The following RBFOX1 variants were observed in gnomAD, a reference collection of about 807,000 sequenced individuals.
RBFOX1 encodes RNA binding fox-1 homolog 1, also known as RNA binding protein fox-1 homolog 1.
In RBFOX1, 8 loss-of-function variants were observed where a neutral mutation model predicts 57.7. That is an observed-to-expected ratio of 0.14 (90% CI 0.08 to 0.25). The LOEUF (loss-of-function observed/expected upper bound fraction) is 0.25. RBFOX1 is among the 10% of genes least tolerant of loss of function. The pLI is 1.00. For missense variants in RBFOX1, 611 were observed against 548.5 expected (o/e 1.11, Z -1.14); for synonymous variants, 326 against 222.4 (o/e 1.47, Z -4.15).
At chr16:6,451,392 T>G (rs2094619082) in intron 2 of RBFOX1, among the ~76,000 whole-genome samples, 1 of 152,106 alleles carries the variant, frequency 6.6e-6, no homozygotes, top group African/African-American at 2.4e-5. Flanking sequence ...TTTTTGACTT[T>G]CAACCCCAGG....
intron 1 of RBFOX1, among the ~76,000 whole-genome samples, chr16:6,083,661 G>C (rs188278987): frequency 6.6e-6 from 1 of 152,142 alleles, no homozygotes; most frequent in African/African-American, 2.4e-5. Flanking sequence ...ATTATTTGTA[G>C]ACACGGGGTC....
chr16:7,066,300 T>C (rs56877679), intron 4 of RBFOX1, among the ~76,000 whole-genome samples: 11,703 of 152,238 alleles, frequency 0.077, 1,479 homozygotes, highest in African/African-American at 0.26. Context: ...TTGATGTCTA[T>C]TGAGATTGCC....
At chr16:5,571,538 C>T (rs7187170) in intron 2 of RBFOX1, among the ~76,000 whole-genome samples, 33 of 151,954 alleles carry the variant, frequency 2.2e-4, no homozygotes, top group African/African-American at 8.0e-4. Flanking sequence ...AAGGCTGTAC[C>T]ATCAAACAAC....
intron 5 of RBFOX1, among the ~76,000 whole-genome samples, chr16:7,562,631 G>A (rs2090670100): frequency 6.6e-6 from 1 of 152,190 alleles, no homozygotes; most frequent in Non-Finnish European, 1.5e-5. Flanking sequence ...GCAAAAAGAG[G>A]CACTTCTCAT....
intron 2 of RBFOX1, among the ~76,000 whole-genome samples, chr16:6,364,626 G>A (rs1041477466): frequency 6.6e-6 from 1 of 152,168 alleles, no homozygotes; most frequent in East Asian, 1.9e-4. Context: ...GTCATATAGA[G>A]GATCTTTGTG....
chr16:6,038,282 A>C (rs1322191842), intron 1 of RBFOX1: 2 of 150,296 alleles, frequency 1.3e-5, no homozygotes, highest in African/African-American at 4.9e-5. Context: ...CCTGGACTCA[A>C]ATGATTCTCC....
At chr16:7,459,205 T>G (rs925699018) in intron 4 of RBFOX1, among the ~76,000 whole-genome samples, 1 of 152,084 alleles carries the variant, frequency 6.6e-6, no homozygotes, top group Non-Finnish European at 1.5e-5. Context: ...AGAAAGAATT[T>G]GGCCTTGGGT....
chr16:5,589,770 C>G (rs774435892), intron 2 of RBFOX1, among the ~76,000 whole-genome samples: 3 of 152,158 alleles, frequency 2.0e-5, no homozygotes, highest in Non-Finnish European at 2.9e-5. Context: ...GTCACTTTCC[C>G]AGGACTCACA....
chr16:7,130,738 A>G (rs1004328913), intron 4 of RBFOX1, among the ~76,000 whole-genome samples: 2 of 152,198 alleles, frequency 1.3e-5, no homozygotes, highest in Non-Finnish European at 2.9e-5. Flanking sequence ...ATTCCTGGCC[A>G]AATTCTTTGC....
chr16:6,009,452 C>A (rs548245419), intron 4 of RBFOX1, among the ~76,000 whole-genome samples: 1 of 152,326 alleles, frequency 6.6e-6, no homozygotes, highest in Admixed American at 6.5e-5. Context: ...ATCACTGTTT[C>A]TTAGTCCTAG....
At chr16:5,252,016 G>T (rs980286919) in intron 1 of RBFOX1, among the ~76,000 whole-genome samples, 7 of 152,188 alleles carry the variant, frequency 4.6e-5, no homozygotes, top group Admixed American at 1.3e-4. Flanking sequence ...TGGAAGCTAG[G>T]CCTGGCTGTA....
intron 2 of RBFOX1, among the ~76,000 whole-genome samples, chr16:6,402,590 T>C (rs969029160): frequency 4.6e-5 from 7 of 152,214 alleles, no homozygotes; most frequent in African/African-American, 1.7e-4. Flanking sequence ...CCTTGACCTA[T>C]ACATTTACAC....
chr16:6,119,714 G>T (rs1426171958), intron 1 of RBFOX1, among the ~76,000 whole-genome samples: 4 of 152,084 alleles, frequency 2.6e-5, no homozygotes, highest in Non-Finnish European at 5.9e-5. Context: ...GTATCCACAG[G>T]CTGGTTTCAG....
intron 4 of RBFOX1, among the ~76,000 whole-genome samples, chr16:7,161,539 A>T (rs2078320686): frequency 6.6e-6 from 1 of 152,198 alleles, no homozygotes; most frequent in South Asian, 2.1e-4. Flanking sequence ...ATTCAGAAAG[A>T]GAGGTACATG....
intron 3 of RBFOX1, among the ~76,000 whole-genome samples, chr16:5,767,170 G>C (rs75601955): frequency 9.0e-4 from 137 of 152,316 alleles, no homozygotes; most frequent in Non-Finnish European, 1.5e-3. Flanking sequence ...CAGGTTAAGG[G>C]TGAGGGATAG....
intron 3 of RBFOX1, among the ~76,000 whole-genome samples, chr16:5,816,363 G>T (rs2055637167): frequency 6.6e-6 from 1 of 152,144 alleles, no homozygotes; most frequent in Non-Finnish European, 1.5e-5. Flanking sequence ...ACTGTCTGAA[G>T]CAGCACCTCT....
intron 4 of RBFOX1, 108 bp from the exon 5 acceptor site, chr16:7,518,039 C>G: frequency 9.4e-6 from 13 of 1,389,778 alleles, no homozygotes; most frequent in Non-Finnish European, 4.9e-6. Context: ...CCATGGTGAC[C>G]CCTAGAAAGT....
chr16:6,706,678 T>C (rs1362912101), intron 3 of RBFOX1, among the ~76,000 whole-genome samples: 1 of 151,488 alleles, frequency 6.6e-6, no homozygotes, highest in Non-Finnish European at 1.5e-5. Context: ...CGTCTTTAAT[T>C]GGCTGAGTTG....
rs34350208 is a variant in RBFOX1, at chr16:5,719,202, C to CTT, written c.318+120259_318+120260dup. On this transcript the variant is annotated intron_variant, in intron 3 of 19. Transcript: ENST00000641259. ...TGCCACCCATACTTCATATTAGAATCTTTTTTTTTTTTTTTTTTTGAGACG... is the reference window on the plus strand; with the variant it reads ...TGCCACCCATACTTCATATTAGAATCTTTTTTTTTTTTTTTTTTTTTGAGACG... Among the ~76,000 whole-genome samples, 366 of 120,094 alleles carry CTT rather than the reference C, an allele frequency of 3.0e-3. 2 individuals carry two copies. Among genetic ancestry groups the CTT allele is most frequent in the African/African-American group, 8.9e-3 (311 of 34,864 alleles). The allele number at this position is 120,094 out of a possible 152,430, so 78.8% of individuals were successfully genotyped here. A position where few individuals can be genotyped will look rare whatever the true frequency, so the allele number is the denominator to read the frequency against.
Sources: allele counts gnomAD v4.1 joint callset (sites outside exome capture counted in the v4.1 genomes callset), GRCh38; gene constraint gnomAD v4.1.1; transcripts MANE v1.5; gene names NCBI Gene and HGNC (gene_info 2026-07-23, HGNC 2026-07-21).